The following ALX4 variants were observed in gnomAD, a reference collection of about 807,000 sequenced individuals.
ALX4 encodes ALX homeobox 4, also known as homeobox protein aristaless-like 4.
Under a neutral mutation model 40.6 loss-of-function variants are expected in ALX4, and 22 were observed. The ratio of observed to expected loss-of-function variants is 0.54; its 90% confidence interval spans 0.39 to 0.77. The LOEUF (loss-of-function observed/expected upper bound fraction) is 0.77. Among genes scored for constraint, ALX4 ranks in the 30% least tolerant of loss-of-function variants. The pLI is 0.00. For missense variants in ALX4, 556 were observed against 564.8 expected, an observed-to-expected ratio of 0.98 and a Z score of 0.16; for synonymous variants, 266 against 240.5, an observed-to-expected ratio of 1.11 and a Z score of -0.98.
At chr11:44,293,298 G>A (rs1299990828) in intron 1 of ALX4, among the ~76,000 whole-genome samples, 1 of 151,964 alleles carries the variant, frequency 6.6e-6, no homozygotes. Context: ...GCATGATGTG[G>A]CCAGGTGCAG....
chr11:44,296,589 A>G (rs1956403690), intron 1 of ALX4, among the ~76,000 whole-genome samples: 1 of 152,262 alleles, frequency 6.6e-6, no homozygotes, highest in African/African-American at 2.4e-5. Flanking sequence ...CAGAATTCCT[A>G]TGACTGAAGA....
In ALX4 at chr11:44,309,560, T is replaced by C. The variant is rs761516265; in HGVS notation, c.466+37A>G. 3.2e-6 allele frequency: 5 copies of C among 1,548,530 alleles called. No homozygotes were observed. In the South Asian group the frequency reaches 5.9e-5, roughly 18 times the overall value. ...AGGGATGCGGAAGCCAAGCACCCCGTGGTCCCCAGCACCAGGTGACCCGCA... is the reference window on the plus strand; with the variant it reads ...AGGGATGCGGAAGCCAAGCACCCCGCGGTCCCCAGCACCAGGTGACCCGCA... On this transcript the variant is annotated intron_variant, in intron 1 of 3. Transcript: ENST00000652299.
chr11:44,265,333 C>T, intron 3 of ALX4, 150 bp from the exon 4 acceptor site: 1 of 796,210 alleles, frequency 1.3e-6, no homozygotes, highest in African/African-American at 1.7e-5. Context: ...CATCCAGATA[C>T]CCCTGTGGGG....
Position 44,264,551 on chromosome 11 carries a change from A to T in ALX4, c.*303T>A. 4.1e-6 allele frequency: 2 copies of T among 488,816 alleles called. No individual in the cohort carries two copies. The highest frequency in any genetic ancestry group is 7.4e-6 in the Non-Finnish European group (2 of 269,176). The allele number at this position is 488,816 out of a possible 1,614,324, so 30.3% of individuals were successfully genotyped here. A position where few individuals can be genotyped will look rare whatever the true frequency, so the allele number is the denominator to read the frequency against. ...CAGAGCAGAGGAGTGGGCGGGAGCA[A>T]GAAAGCGCTTTCAGCTTATCATGGA... is the stretch of plus-strand genomic sequence containing the variant. On this transcript the variant is annotated 3_prime_UTR_variant, in exon 4 of 4. Transcript: ENST00000652299.
chr11:44,269,413 G>A (rs916167784), intron 2 of ALX4, among the ~76,000 whole-genome samples: 12 of 152,202 alleles, frequency 7.9e-5, no homozygotes, highest in African/African-American at 2.9e-4. Context: ...TGTATCTCAT[G>A]TTACTGTGAG....
intron 3 of ALX4, among the ~76,000 whole-genome samples, chr11:44,265,972 T>C (rs1228229286): frequency 6.6e-6 from 1 of 152,120 alleles, no homozygotes; most frequent in Non-Finnish European, 1.5e-5. Flanking sequence ...AATTAGGGTG[T>C]GGGGGAGACC....
chr11:44,299,046 C>T (rs554517009), intron 1 of ALX4, among the ~76,000 whole-genome samples: 9 of 152,196 alleles, frequency 5.9e-5, no homozygotes, highest in African/African-American at 9.6e-5. Flanking sequence ...AAGCCTCCTG[C>T]GGTCTCTCAT....
At chr11:44,285,103 T>C (rs1303230238) in intron 1 of ALX4, among the ~76,000 whole-genome samples, 1 of 152,180 alleles carries the variant, frequency 6.6e-6, no homozygotes, top group Admixed American at 6.5e-5. Context: ...TAGCTGGGAT[T>C]ACAGGCACCC....
intron 1 of ALX4, among the ~76,000 whole-genome samples, chr11:44,286,732 G>A (rs915074991): frequency 6.6e-6 from 1 of 152,138 alleles, no homozygotes; most frequent in Non-Finnish European, 1.5e-5. Context: ...CCCTAGTTCT[G>A]GGTATTTTCA....
chr11:44,273,917 T>A (rs1204908846), intron 2 of ALX4, among the ~76,000 whole-genome samples: 1 of 152,124 alleles, frequency 6.6e-6, no homozygotes. Flanking sequence ...CACACCACTG[T>A]ACTCCACGCT....
At chr11:44,282,027 G>C (rs956737489) in intron 1 of ALX4, among the ~76,000 whole-genome samples, 1 of 152,206 alleles carries the variant, frequency 6.6e-6, no homozygotes, top group African/African-American at 2.4e-5. Flanking sequence ...GAAAGTCTGA[G>C]AAACTGCCCC....
At position 44,298,904 on chromosome 11, in the gene ALX4, A is replaced by G. The variant is rs116026599; in HGVS notation, c.466+10693T>C. Among the ~76,000 whole-genome samples the G allele has an allele frequency of 6.9e-3, 1,051 of 152,298 alleles. 10 individuals carry two copies. Among genetic ancestry groups the G allele is most frequent in the African/African-American group, 0.024 (993 of 41,574 alleles). On this transcript the variant is annotated intron_variant, in intron 1 of 3. Coordinates refer to ENST00000652299, the MANE Select transcript of ALX4 (RefSeq NM_021926.4). ...GGATGAACGAAGAGAGAGTGGAAAG[A>G]CTTACAGAGTTCCTAGCATGTTCCC... is the stretch of plus-strand genomic sequence containing the variant.
intron 1 of ALX4, among the ~76,000 whole-genome samples, chr11:44,283,663 A>C (rs1441802475): frequency 6.6e-6 from 1 of 152,096 alleles, no homozygotes; most frequent in East Asian, 1.9e-4. Context: ...TCCTAGATTC[A>C]AACGATTGTC....
chr11:44,269,934 A>G (rs7949067), intron 2 of ALX4, among the ~76,000 whole-genome samples: 82,439 of 151,970 alleles, frequency 0.54, 22,809 homozygotes, highest in East Asian at 0.8. Context: ...CACTGGAGGC[A>G]CGGAGAGAGA....
At position 44,275,495 on chromosome 11, in the gene ALX4, G is replaced by A. The variant is rs763344358; in HGVS notation, c.630C>T (p.Asn210=). 9.3e-6 allele frequency: 15 copies of A among 1,614,052 alleles called. No homozygotes were observed. Among genetic ancestry groups the A allele is most frequent in the Non-Finnish European group, 1.3e-5 (15 of 1,179,912 alleles). Residue 210 remains asparagine (N), a synonymous_variant, in exon 2 of 4, where the codon AAC becomes AAT. Coordinates refer to ENST00000652299, the MANE Select transcript of ALX4 (RefSeq NM_021926.4). ...SPLEKADSES[N]KGKKRRNRTT... ...TCCGGTTCCGCCGCTTCTTGCCCTTGTTGCTCTCTGAGTCGGCCTTCTCCA... is the reference window on the plus strand; with the variant it reads ...TCCGGTTCCGCCGCTTCTTGCCCTTATTGCTCTCTGAGTCGGCCTTCTCCA...
At chr11:44,307,563 G>C (rs1264967759) in intron 1 of ALX4, among the ~76,000 whole-genome samples, 1 of 152,232 alleles carries the variant, frequency 6.6e-6, no homozygotes, top group Non-Finnish European at 1.5e-5. Context: ...GGTCTCACTG[G>C]TAATTTTCAT....
intron 1 of ALX4, among the ~76,000 whole-genome samples, chr11:44,298,287 C>T (rs1432623141): frequency 2.6e-5 from 4 of 152,098 alleles, no homozygotes; most frequent in Admixed American, 6.6e-5. Context: ...TTGCATATGC[C>T]GGGGTGGGAC....
At chr11:44,294,476 A>G (rs796177671) in intron 1 of ALX4, among the ~76,000 whole-genome samples, 7 of 152,232 alleles carry the variant, frequency 4.6e-5, no homozygotes, top group Non-Finnish European at 8.8e-5. Flanking sequence ...TCCCCAGCTC[A>G]TGACACATGT....
intron 1 of ALX4, among the ~76,000 whole-genome samples, chr11:44,282,561 A>C (rs1275269944): frequency 6.6e-6 from 1 of 152,182 alleles, no homozygotes. Context: ...ATCACCCCGA[A>C]ATGGAGACAC....
Sources: gnomAD v4.1 joint callset for allele counts (sites outside exome capture counted in the v4.1 genomes callset) on GRCh38, gnomAD v4.1.1 for gene constraint, MANE v1.5 for transcripts, NCBI Gene and HGNC (gene_info 2026-07-23, HGNC 2026-07-21) for gene names.